The following DHX35 variants were observed in gnomAD, a reference collection of about 807,000 sequenced individuals.
DHX35 encodes probable ATP-dependent RNA helicase DHX35.
A neutral mutation model predicts 99.6 loss-of-function variants in DHX35; 84 were observed. The observed-to-expected ratio is 0.84, with a 90% confidence interval of 0.71 to 1.01. The LOEUF is 1.01. DHX35 is among the 50% of genes least tolerant of loss of function. DHX35 has a pLI of 0.00. For missense variants in DHX35, 852 were observed against 888.5 expected (o/e 0.96, Z 0.52); for synonymous variants, 331 against 316.2 (o/e 1.05, Z -0.50).
intron 17 of DHX35, among the ~76,000 whole-genome samples, chr20:39,024,086 A>T (rs2086914248): frequency 6.6e-6 from 1 of 152,202 alleles, no homozygotes; most frequent in Non-Finnish European, 1.5e-5. Flanking sequence ...GCAACATTTG[A>T]ATAGGAAGTT....
intron 6 of DHX35, among the ~76,000 whole-genome samples, chr20:38,991,772 T>C (rs1361074789): frequency 6.6e-6 from 1 of 152,224 alleles, no homozygotes; most frequent in East Asian, 1.9e-4. Context: ...TTTTGCCTTG[T>C]CACACTCCAG....
intron 14 of DHX35, among the ~76,000 whole-genome samples, chr20:39,017,842 T>C (rs1231876252): frequency 6.6e-6 from 1 of 152,204 alleles, no homozygotes; most frequent in Non-Finnish European, 1.5e-5. Context: ...AGTGTTTAGA[T>C]TCCAAGTTGC....
rs1334439873 is a variant in DHX35 at position 39,003,912 on chromosome 20, G to C, written c.1011+5G>C. The C allele has an allele frequency of 6.2e-7, 1 of 1,613,646 alleles. No homozygotes were observed. The highest frequency in any genetic ancestry group is 8.5e-7 in the Non-Finnish European group (1 of 1,179,710). On this transcript the variant is annotated splice_donor_5th_base_variant and intron_variant, in intron 11 of 21. Coordinates refer to ENST00000252011, the MANE Select transcript of DHX35 (RefSeq NM_021931.4). ...GTGTCACGCAGTGTCAGAAAGGTGA[G>C]ACTATCCTGATGACCAAGGGTGTTG...
chr20:39,023,854 G>A (rs538315349), intron 17 of DHX35, 87 bp downstream of exon 17: 16 of 1,108,760 alleles, frequency 1.4e-5, no homozygotes, highest in African/African-American at 7.8e-5. Context: ...AGTTCAGTTC[G>A]TAAAGGAATG....
chr20:39,011,473 T>C (rs2086702115), intron 13 of DHX35, among the ~76,000 whole-genome samples: 1 of 152,172 alleles, frequency 6.6e-6, no homozygotes. Flanking sequence ...GTGGCTGGGA[T>C]TACAGGTGTG....
chr20:38,971,989 T>G (rs2086004097), intron 2 of DHX35, among the ~76,000 whole-genome samples: 1 of 142,514 alleles, frequency 7.0e-6, no homozygotes, highest in Non-Finnish European at 1.5e-5. Flanking sequence ...TTTCTTGTTT[T>G]TTTTGTTTTG....
intron 14 of DHX35, among the ~76,000 whole-genome samples, chr20:39,015,710 TC>T (rs1456176731): frequency 6.6e-6 from 1 of 152,210 alleles, no homozygotes; most frequent in African/African-American, 2.4e-5. Flanking sequence ...ACTATACAAT[TC>T]ACTCGTTTAC....
intron 8 of DHX35, among the ~76,000 whole-genome samples, chr20:39,001,284 C>T (rs1025317436): frequency 6.6e-6 from 1 of 152,194 alleles, no homozygotes; most frequent in Non-Finnish European, 1.5e-5. Context: ...CTACTGTTCA[C>T]AGAAGGAAAA....
intron 4 of DHX35, among the ~76,000 whole-genome samples, chr20:38,987,387 C>T (rs2086267143): frequency 1.3e-5 from 2 of 152,090 alleles, no homozygotes; most frequent in South Asian, 4.1e-4. Flanking sequence ...GGATTACAGG[C>T]GCATGCCACC....
intron 16 of DHX35, 21 bp from the exon 17 acceptor site, chr20:39,023,669 A>G (rs1443040927): frequency 6.2e-7 from 1 of 1,611,754 alleles, no homozygotes; most frequent in South Asian, 1.1e-5. Context: ...GAAATTCTGA[A>G]TGTTGCTTCA....
At chr20:38,977,765 A>AT (rs1178231307) in intron 3 of DHX35, 5 of 450,884 alleles carry the variant, frequency 1.1e-5, no homozygotes, top group South Asian at 8.6e-5. Context: ...TATTTTAGGA[A>AT]TTTTTTTCTT....
intron 17 of DHX35, among the ~76,000 whole-genome samples, 199 bp downstream of exon 17, chr20:39,023,966 A>C (rs189362645): frequency 1.4e-3 from 216 of 152,352 alleles, no homozygotes; most frequent in African/African-American, 5.0e-3. Flanking sequence ...TGCTGAGAAG[A>C]ACACAGGAAT....
chr20:39,010,444 G>C, intron 13 of DHX35, 40 bp downstream of exon 13: 1 of 1,608,936 alleles, frequency 6.2e-7, no homozygotes, highest in Non-Finnish European at 8.5e-7. Context: ...GGGAGGCTAG[G>C]GAGCTCACAG....
In DHX35 at chr20:39,038,549, G is replaced by A; in HGVS notation, c.*6G>A. 1.9e-6 allele frequency: 3 copies of A among 1,611,496 alleles called. No individual in the cohort carries two copies. Among genetic ancestry groups the A allele is most frequent in the African/African-American group, 1.3e-5 (1 of 75,054 alleles). On this transcript the variant is annotated 3_prime_UTR_variant, in exon 22 of 22. Transcript: ENST00000252011. ...CCAAGGTCCAGGACCCGTGAGAGGAGCCCACAGCTACAGCTGCAGGGACTG... is the reference window on the plus strand; with the variant it reads ...CCAAGGTCCAGGACCCGTGAGAGGAACCCACAGCTACAGCTGCAGGGACTG...
chr20:38,972,608 T>C lies in DHX35; in HGVS notation c.224T>C (p.Ile75Thr). The change falls in exon 3 of 22, where the codon ATT (isoleucine) becomes ACT (threonine). Residue 75 changes from isoleucine to threonine, a missense_variant. By Grantham distance (89) the Ile-to-Thr change is moderately conservative. Coordinates refer to ENST00000252011, the MANE Select transcript of DHX35 (RefSeq NM_021931.4). ...ATAGAAAATTATCAGACAGTGGTGA[T>C]TGTTGGTGAAACAGGATGTGGGAAG... ...YLIENYQTVV[I>T]VGETGCGKST... The C allele has an allele frequency of 6.2e-7, 1 of 1,613,094 alleles. No homozygotes were observed. The highest frequency in any genetic ancestry group is 8.5e-7 in the Non-Finnish European group (1 of 1,179,154).
intron 13 of DHX35, 114 bp from the exon 14 acceptor site, chr20:39,014,766 C>A (rs949650386): frequency 7.9e-7 from 1 of 1,268,192 alleles, no homozygotes; most frequent in African/African-American, 1.5e-5. Context: ...AACATGGAGG[C>A]TGGGAAGAAT....
chr20:39,034,390 C>T lies in DHX35; in HGVS notation c.2067+73C>T. 7 of 1,329,660 alleles carry T rather than the reference C, an allele frequency of 5.3e-6. No homozygotes were observed. In the South Asian group the frequency reaches 7.2e-5, roughly 14 times the overall value. 82.4% of individuals were successfully genotyped at this position (1,329,660 alleles called of 1,614,324 possible). ...CCATGTTTTTAAATGTACTTTTTTT[C>T]TCCAATTTAATGCCCTATGTGTGTT... On this transcript the variant is annotated intron_variant, in intron 21 of 21. Transcript: ENST00000252011.
chr20:39,026,468 C>A (rs1040545084), intron 18 of DHX35, among the ~76,000 whole-genome samples: 9 of 152,124 alleles, frequency 5.9e-5, no homozygotes, highest in Admixed American at 3.9e-4. Context: ...TATGGATAGA[C>A]AAAGTACTAA....
chr20:39,029,350 A>G (rs1181244437), intron 19 of DHX35: 1 of 151,556 alleles, frequency 6.6e-6, no homozygotes, highest in Admixed American at 6.6e-5. Flanking sequence ...CAGCCAAGAT[A>G]TCCCTTGTCC....
Sources: gnomAD v4.1 joint callset for allele counts (sites outside exome capture counted in the v4.1 genomes callset) on GRCh38, gnomAD v4.1.1 for gene constraint, MANE v1.5 for transcripts, NCBI Gene and HGNC (gene_info 2026-07-23, HGNC 2026-07-21) for gene names.